SNX29: variants seen among roughly 807,000 people sequenced by gnomAD.
SNX29 encodes the protein sorting nexin 29, also known as sorting nexin-29.
SNX29 carries 78 observed loss-of-function variants against 102.1 expected under a neutral mutation model. The ratio of observed to expected loss-of-function variants is 0.76; its 90% CI spans 0.64 to 0.92. SNX29 has a LOEUF of 0.92. Among genes scored for constraint, SNX29 ranks in the 40% least tolerant of loss-of-function variants. The probability of loss-of-function intolerance (pLI) is 0.00; values close to 1 mark genes in which losing one functional copy is unlikely to be tolerated. For synonymous variants in SNX29, 580 were observed against 414.5 expected (o/e 1.40, Z -4.85); for missense variants, 1,280 against 1,061.7 (o/e 1.21, Z -2.86).
intron 20 of SNX29, chr16:12,545,708 T>G (rs1597882593): frequency 6.6e-6 from 1 of 152,230 alleles, no homozygotes; most frequent in Non-Finnish European, 1.5e-5. Context: ...GCAAGGTGGG[T>G]GGCCAGAGAC....
At chr16:12,242,936 C>T (rs924295337) in intron 14 of SNX29, among the ~76,000 whole-genome samples, 2 of 152,154 alleles carry the variant, frequency 1.3e-5, no homozygotes, top group Non-Finnish European at 2.9e-5. Context: ...GTGTGGGCCA[C>T]CATACCCAAC....
intron 18 of SNX29, among the ~76,000 whole-genome samples, chr16:12,474,924 C>T (rs757384189): frequency 6.6e-6 from 1 of 152,196 alleles, no homozygotes; most frequent in Non-Finnish European, 1.5e-5. Context: ...CTGGTACGCC[C>T]ATCTGGATGT....
chr16:12,059,014 C>T (rs930344680), intron 8 of SNX29, among the ~76,000 whole-genome samples: 1 of 151,928 alleles, frequency 6.6e-6, no homozygotes, highest in African/African-American at 2.4e-5. Context: ...AGTGATCCTT[C>T]TGCCTCGGCC....
intron 11 of SNX29, among the ~76,000 whole-genome samples, chr16:12,082,384 C>G (rs2051945466): frequency 6.6e-6 from 1 of 152,146 alleles, no homozygotes; most frequent in Admixed American, 6.5e-5. Flanking sequence ...TTTGCTTTGT[C>G]AGCTGCGTCT....
intron 13 of SNX29, among the ~76,000 whole-genome samples, chr16:12,188,945 C>G (rs1165873962): frequency 2.0e-5 from 3 of 152,120 alleles, no homozygotes; most frequent in African/African-American, 7.2e-5. Flanking sequence ...GTTTTCTGAA[C>G]AGGGTTATGA....
At chr16:12,557,927 C>G (rs1000320271) in intron 20 of SNX29, among the ~76,000 whole-genome samples, 3 of 152,162 alleles carry the variant, frequency 2.0e-5, no homozygotes, top group African/African-American at 7.2e-5. Context: ...GGCAGGCAGG[C>G]TGCTATTTTC....
intron 3 of SNX29, among the ~76,000 whole-genome samples, chr16:12,018,982 C>T (rs934269099): frequency 6.6e-6 from 1 of 151,294 alleles, no homozygotes; most frequent in African/African-American, 2.4e-5. Flanking sequence ...TTTAATATTA[C>T]AATCTAACCT....
At chr16:12,346,903 C>T (rs1372914653) in intron 15 of SNX29, among the ~76,000 whole-genome samples, 4 of 152,108 alleles carry the variant, frequency 2.6e-5, no homozygotes, top group Non-Finnish European at 5.9e-5. Flanking sequence ...TGAAAGGCCA[C>T]ATGTCGGGAG....
At chr16:11,991,746 G>T (rs1174470225) in intron 1 of SNX29, among the ~76,000 whole-genome samples, 3 of 144,322 alleles carry the variant, frequency 2.1e-5, no homozygotes, top group Non-Finnish European at 4.5e-5. Context: ...TAGAGATGGG[G>T]TTTCACACGT....
intron 14 of SNX29, among the ~76,000 whole-genome samples, chr16:12,238,917 T>A (rs1259589551): frequency 2.6e-5 from 4 of 152,316 alleles, no homozygotes; most frequent in Non-Finnish European, 5.9e-5. Flanking sequence ...AGATGCCTGT[T>A]GAAGCTCTAG....
chr16:12,035,276 A>G (rs1409144947), intron 4 of SNX29, among the ~76,000 whole-genome samples: 4 of 149,680 alleles, frequency 2.7e-5, no homozygotes, highest in African/African-American at 4.9e-5. Context: ...CAGTGGTGCA[A>G]TCATGGCTCT....
At chr16:12,148,210 G>A (rs998738928) in intron 13 of SNX29, among the ~76,000 whole-genome samples, 1 of 152,224 alleles carries the variant, frequency 6.6e-6, no homozygotes, top group Non-Finnish European at 1.5e-5. Flanking sequence ...GAGCCACACA[G>A]GTTAAAGTGG....
At chr16:12,449,410 T>G (rs2086204302) in intron 18 of SNX29, among the ~76,000 whole-genome samples, 1 of 151,376 alleles carries the variant, frequency 6.6e-6, no homozygotes, top group Non-Finnish European at 1.5e-5. Flanking sequence ...GAGCTTGGAG[T>G]GAGCTGGTTT....
chr16:12,084,414 A>T (rs2151372686), intron 11 of SNX29, among the ~76,000 whole-genome samples: 1 of 152,264 alleles, frequency 6.6e-6, no homozygotes, highest in East Asian at 1.9e-4. Context: ...AAAGTGAAAA[A>T]GTTAATTATT....
intron 18 of SNX29, among the ~76,000 whole-genome samples, chr16:12,458,591 T>G (rs1396896252): frequency 5.3e-5 from 8 of 152,208 alleles, no homozygotes; most frequent in Non-Finnish European, 1.0e-4. Context: ...ACTCTTGGTG[T>G]TGGCTGCAAG....
chr16:12,554,983 C>A (rs533755550), intron 20 of SNX29, among the ~76,000 whole-genome samples: 1 of 151,808 alleles, frequency 6.6e-6, no homozygotes, highest in Admixed American at 6.5e-5. Context: ...GTCAGTCAGC[C>A]GGAGCACCTT....
intron 13 of SNX29, among the ~76,000 whole-genome samples, chr16:12,147,701 G>A (rs2055123325): frequency 6.6e-6 from 1 of 152,202 alleles, no homozygotes; most frequent in African/African-American, 2.4e-5. Context: ...TGCCTCCGGA[G>A]AGGCAGAATT....
intron 14 of SNX29, among the ~76,000 whole-genome samples, chr16:12,214,808 A>G (rs1472375933): frequency 6.6e-6 from 1 of 152,208 alleles, no homozygotes; most frequent in African/African-American, 2.4e-5. Flanking sequence ...GAAGCCATCC[A>G]TGATTTCCCT....
intron 19 of SNX29, among the ~76,000 whole-genome samples, chr16:12,514,378 G>T (rs2089769312): frequency 6.6e-6 from 1 of 152,032 alleles, no homozygotes; most frequent in Non-Finnish European, 1.5e-5. Context: ...ACTGTCTTTG[G>T]CATCTTCAGG....
Sources: gnomAD v4.1 joint callset for allele counts (sites outside exome capture counted in the v4.1 genomes callset) on GRCh38, gnomAD v4.1.1 for gene constraint, MANE v1.5 for transcripts, NCBI Gene and HGNC (gene_info 2026-07-23, HGNC 2026-07-21) for gene names.